CEP41: variants seen among roughly 807,000 people sequenced by gnomAD.
CEP41 encodes centrosomal protein of 41 kDa.
In CEP41, 32 loss-of-function variants were observed where a neutral mutation model predicts 44.3. The observed-to-expected ratio is 0.72, with a 90% CI of 0.54 to 0.97. The LOEUF (loss-of-function observed/expected upper bound fraction) is 0.97, where lower values mean the gene tolerates loss of function less well. Ranked by LOEUF, CEP41 falls within the 50% of genes least tolerant of loss-of-function variation. CEP41 has a pLI of 0.00. For synonymous variants in CEP41, 151 were observed against 168.5 expected, an observed-to-expected ratio of 0.90 and a Z score of 0.80; for missense variants, 432 against 455.2, an observed-to-expected ratio of 0.95 and a Z score of 0.46.
At chr7:130,399,081 T>G in intron 10 of CEP41, 42 bp from the exon 11 acceptor site, 1 of 1,609,842 alleles carries the variant, frequency 6.2e-7, no homozygotes, top group South Asian at 1.1e-5. Context: ...GCAAGAATGA[T>G]TCCAGGGACA....
chr7:130,412,262 GTATT>G (rs782549226), intron 3 of CEP41, 22 bp from the exon 4 acceptor site: 1 of 1,245,826 alleles, frequency 8.0e-7, no homozygotes, highest in Non-Finnish European at 1.2e-6. Context: ...GGTAAGACAA[GTATT>G]TATCTATTTT....
Position 130,396,510 on chromosome 7 carries a change from A to T in CEP41, c.*2381T>A, listed in dbSNP as rs1554414594. 3 of 454,452 alleles carry T rather than the reference A, an allele frequency of 6.6e-6. No individual in the cohort carries two copies. Among genetic ancestry groups the T allele is most frequent in the Non-Finnish European group, 1.3e-5 (3 of 226,802 alleles). The allele number at this position is 454,452 out of a possible 1,614,324, so 28.2% of individuals were successfully genotyped here. On this transcript the variant is annotated 3_prime_UTR_variant, in exon 11 of 11. Coordinates refer to ENST00000223208, the MANE Select transcript of CEP41 (RefSeq NM_018718.3). ...AAGAAGAGAGAAGTTGGCAGTTTTC[A>T]GCATATTAATAGCAAACGACAAATT...
intron 8 of CEP41, chr7:130,401,101 G>A (rs764862278): frequency 5.5e-5 from 22 of 399,744 alleles, no homozygotes; most frequent in Non-Finnish European, 9.8e-5. Context: ...CTATGACCCT[G>A]GAAAGTAAAT....
chr7:130,425,338 G>A (rs917342885), intron 2 of CEP41, among the ~76,000 whole-genome samples: 2 of 152,138 alleles, frequency 1.3e-5, no homozygotes, highest in East Asian at 3.9e-4. Flanking sequence ...GCTTGAACCT[G>A]GGAGGCAGAG....
intron 2 of CEP41, among the ~76,000 whole-genome samples, chr7:130,424,676 G>C (rs1236979188): frequency 1.3e-5 from 2 of 151,984 alleles, no homozygotes; most frequent in African/African-American, 4.8e-5. Flanking sequence ...ACTTAGTCTT[G>C]ATGTGAGTCA....
At chr7:130,431,199 A>G (rs2117689767) in intron 1 of CEP41, among the ~76,000 whole-genome samples, 1 of 152,216 alleles carries the variant, frequency 6.6e-6, no homozygotes, top group Middle Eastern at 3.4e-3. Context: ...TTTTATTTAA[A>G]ATTCTTGCTT....
At chr7:130,406,205 T>A (rs1485752592) in intron 5 of CEP41, among the ~76,000 whole-genome samples, 1 of 152,218 alleles carries the variant, frequency 6.6e-6, no homozygotes, top group Non-Finnish European at 1.5e-5. Context: ...TTTGGGATCT[T>A]CAATAATTTT....
chr7:130,395,574 A>G lies in CEP41; in HGVS notation c.*3317T>C, dbSNP rs1554414153. The G allele has an allele frequency of 2.2e-6, 1 of 454,132 alleles. No homozygotes were observed. Among genetic ancestry groups the G allele is most frequent in the Non-Finnish European group, 4.4e-6 (1 of 226,792 alleles). 28.1% of individuals were successfully genotyped at this position (454,132 alleles called of 1,614,324 possible). A position where few individuals can be genotyped will look rare whatever the true frequency, so the allele number is the denominator to read the frequency against. ...AAAAGTCAGATAACATAAAAGACAG[A>G]ATCTATAGCCAATAAACAACATGAC... On this transcript the variant is annotated 3_prime_UTR_variant, in exon 11 of 11. Transcript: ENST00000223208.
intron 1 of CEP41, among the ~76,000 whole-genome samples, chr7:130,436,889 A>G (rs1227560742): frequency 5.3e-5 from 8 of 152,126 alleles, no homozygotes; most frequent in African/African-American, 1.7e-4. Context: ...ATACAAAAAA[A>G]TTAGCTGGGC....
intron 1 of CEP41, among the ~76,000 whole-genome samples, chr7:130,439,930 A>G (rs1029649147): frequency 3.3e-5 from 5 of 152,162 alleles, no homozygotes; most frequent in African/African-American, 1.2e-4. Context: ...TCAGTTGAGT[A>G]CTACCTATTT....
At chr7:130,418,388 C>T (rs1797399590) in intron 2 of CEP41, among the ~76,000 whole-genome samples, 1 of 152,230 alleles carries the variant, frequency 6.6e-6, no homozygotes, top group Non-Finnish European at 1.5e-5. Flanking sequence ...GGACACACAT[C>T]TCTCCTGCCC....
intron 5 of CEP41, among the ~76,000 whole-genome samples, chr7:130,405,654 T>C (rs1554418082): frequency 6.6e-6 from 1 of 152,190 alleles, no homozygotes; most frequent in African/African-American, 2.4e-5. Flanking sequence ...CAATATTCTC[T>C]AAATGGCCAG....
chr7:130,417,108 A>G, intron 2 of CEP41, 142 bp from the exon 3 acceptor site: 2 of 1,422,706 alleles, frequency 1.4e-6, no homozygotes, highest in African/African-American at 2.8e-5. Flanking sequence ...AACAGGCCAC[A>G]CACAGTAAAA....
rs377707022 is a variant in CEP41 at position 130,404,630 on chromosome 7, G to C, written c.356C>G (p.Ser119Trp). The C allele has an allele frequency of 6.2e-7, 1 of 1,613,282 alleles. No homozygotes were observed. The highest frequency in any genetic ancestry group is 8.5e-7 in the Non-Finnish European group (1 of 1,179,350). The change falls in exon 6 of 11, where the codon TCG becomes TGG. Residue 119 changes from serine to tryptophan, a missense_variant. By Grantham distance (177) the Ser-to-Trp change is radical (BLOSUM62 -3). Coordinates refer to ENST00000223208, the MANE Select transcript of CEP41 (RefSeq NM_018718.3). ...TNGKGNPGEQ[S>W]PSPEQFINNA... is the part of the protein sequence containing the mutation. ...GTTTATGAACTGCTCAGGGCTCGGC[G>C]ACTGCTCACCTGGATTTCCTTTCCC...
chr7:130,399,445 C>T (rs1204189894), intron 10 of CEP41: 7 of 242,674 alleles, frequency 2.9e-5, no homozygotes, highest in Non-Finnish European at 4.8e-5. Flanking sequence ...CAGAAGGAAT[C>T]GAAAACTTTC....
intron 1 of CEP41, among the ~76,000 whole-genome samples, chr7:130,439,265 A>C (rs1798067528): frequency 1.3e-5 from 2 of 152,200 alleles, no homozygotes; most frequent in South Asian, 2.1e-4. Flanking sequence ...TCAGTACATA[A>C]TACATATGAG....
chr7:130,424,649 A>C (rs1797606482), intron 2 of CEP41, among the ~76,000 whole-genome samples: 1 of 152,170 alleles, frequency 6.6e-6, no homozygotes, highest in African/African-American at 2.4e-5. Flanking sequence ...AGACCAATTG[A>C]ATATCCGTAA....
intron 2 of CEP41, among the ~76,000 whole-genome samples, chr7:130,417,499 A>G (rs782447504): frequency 1.2e-4 from 18 of 152,188 alleles, no homozygotes; most frequent in Middle Eastern, 3.2e-3. Context: ...TAGACTACAC[A>G]GTCTACACAC....
intron 1 of CEP41, among the ~76,000 whole-genome samples, chr7:130,430,338 C>T (rs1239702569): frequency 2.0e-5 from 3 of 152,160 alleles, no homozygotes; most frequent in African/African-American, 7.2e-5. Context: ...AAAAACCATT[C>T]ATGACATTGT....
Sources: gnomAD v4.1 joint callset for allele counts (sites outside exome capture counted in the v4.1 genomes callset) on GRCh38, gnomAD v4.1.1 for gene constraint, MANE v1.5 for transcripts, NCBI Gene and HGNC (gene_info 2026-07-23, HGNC 2026-07-21) for gene names.